Variants in SMIM14 observed in about 807,000 individuals in gnomAD.
SMIM14 encodes chromosome 4 open reading frame 34.
In SMIM14, 5 loss-of-function variants were observed where a neutral mutation model predicts 12.6. The observed-to-expected ratio is 0.40, with a 90% CI of 0.21 to 0.83. The LOEUF (loss-of-function observed/expected upper bound fraction) is 0.83, where lower values mean the gene tolerates loss of function less well. Among genes scored for constraint, SMIM14 ranks in the 40% least tolerant of loss-of-function variants. The probability of loss-of-function intolerance (pLI) is 0.37; values close to 1 mark genes in which losing one functional copy is unlikely to be tolerated. For synonymous variants in SMIM14, 30 were observed against 40.1 expected, an observed-to-expected ratio of 0.75 and a Z score of 0.95; for missense variants, 86 against 119.1, an observed-to-expected ratio of 0.72 and a Z score of 1.29.
rs1410967988 is a variant in SMIM14 at position 39,619,748 on chromosome 4, AAT to A, written c.-35-14570_-35-14569del. ...TATAATTATATATATCAATAAATAT[AAT>A]TTATTATATATATATCAATAAATAA... is the stretch of plus-strand genomic sequence containing the variant. On this transcript the variant is annotated intron_variant, in intron 1 of 4. Coordinates refer to ENST00000295958, the MANE Select transcript of SMIM14 (RefSeq NM_174921.3). Among the ~76,000 whole-genome samples the A allele has an allele frequency of 1.4e-3, 56 of 40,562 alleles. 1 individual carries two copies. The highest frequency in any genetic ancestry group is 0.017 in the Middle Eastern group (1 of 58). The allele number at this position is 40,562 out of a possible 152,430, so 26.6% of individuals were successfully genotyped here. A position where few individuals can be genotyped will look rare whatever the true frequency, so the allele number is the denominator to read the frequency against.
intron 2 of SMIM14, among the ~76,000 whole-genome samples, chr4:39,599,256 T>C (rs1167340389): frequency 6.6e-6 from 1 of 151,972 alleles, no homozygotes; most frequent in Non-Finnish European, 1.5e-5. Context: ...GGGGCCAGAA[T>C]TGTTAGAACA....
intron 4 of SMIM14, among the ~76,000 whole-genome samples, chr4:39,554,729 T>C (rs564154070): frequency 6.7e-6 from 1 of 148,834 alleles, no homozygotes; most frequent in African/African-American, 2.4e-5. Context: ...TTTATTTAAA[T>C]TGACAAATAA....
chr4:39,602,819 T>C lies in SMIM14; in HGVS notation c.75+2252A>G, dbSNP rs1714666933. ...TGCATGCTGACTCTAAAAAAGTACA[T>C]CATTCACAAGAAACACATTTCTGAT... On this transcript the variant is annotated intron_variant, in intron 2 of 4. Transcript: ENST00000295958. 2.0e-5 allele frequency among the ~76,000 whole-genome samples: 3 copies of C among 152,186 alleles called. No individual in the cohort carries two copies. The South Asian group carries it at 6.2e-4, about 31-fold the overall frequency.
At chr4:39,604,583 G>A (rs994706811) in intron 2 of SMIM14, among the ~76,000 whole-genome samples, 3 of 151,620 alleles carry the variant, frequency 2.0e-5, no homozygotes, top group African/African-American at 7.3e-5. Flanking sequence ...ACGGTAGTCT[G>A]TTTTCATCTC....
chr4:39,560,639 C>T (rs1269354501), intron 3 of SMIM14, among the ~76,000 whole-genome samples: 3 of 151,770 alleles, frequency 2.0e-5, no homozygotes, highest in African/African-American at 4.8e-5. Context: ...AGCAAGACCC[C>T]GTCTCAAACA....
At chr4:39,625,134 C>T (rs970986608) in intron 1 of SMIM14, among the ~76,000 whole-genome samples, 1 of 150,254 alleles carries the variant, frequency 6.7e-6, no homozygotes, top group Non-Finnish European at 1.5e-5. Flanking sequence ...AGGAGAACTG[C>T]TTGACCCTAG....
chr4:39,585,792 T>G (rs1012087313), intron 2 of SMIM14, among the ~76,000 whole-genome samples: 1 of 152,058 alleles, frequency 6.6e-6, no homozygotes, highest in Admixed American at 6.6e-5. Context: ...CCAAAAAGCT[T>G]TGGGCAGAGG....
intron 1 of SMIM14, among the ~76,000 whole-genome samples, chr4:39,630,267 TGTGCCTTCTTATGTAGTA>T (rs1715851882): frequency 6.6e-6 from 1 of 152,114 alleles, no homozygotes; most frequent in Non-Finnish European, 1.5e-5. Flanking sequence ...CATGCTAGCA[TGTGCCTTCTTATGTAGTA>T]GTCCCAGCTA....
intron 2 of SMIM14, among the ~76,000 whole-genome samples, chr4:39,586,219 G>C (rs1341629442): frequency 6.6e-6 from 1 of 151,870 alleles, no homozygotes; most frequent in Non-Finnish European, 1.5e-5. Flanking sequence ...TTTAAGTTGT[G>C]GTTCCTTTTT....
intron 1 of SMIM14, among the ~76,000 whole-genome samples, chr4:39,633,162 C>T (rs1205966616): frequency 1.2e-4 from 18 of 151,706 alleles, no homozygotes; most frequent in African/African-American, 3.4e-4. Flanking sequence ...GGCATGGTGG[C>T]GCACGTCTGT....
At chr4:39,632,820 CACACACAAAAGA>C (rs1296288807) in intron 1 of SMIM14, among the ~76,000 whole-genome samples, 384 of 127,220 alleles carry the variant, frequency 3.0e-3, no homozygotes, top group African/African-American at 9.5e-3. Context: ...CACACACACA[CACACACAAAAGA>C]AAAAGAAAAA....
chr4:39,580,157 TA>T (rs1300247014), intron 2 of SMIM14, among the ~76,000 whole-genome samples: 1 of 151,646 alleles, frequency 6.6e-6, no homozygotes, highest in Non-Finnish European at 1.5e-5. Context: ...AAAATGTGGT[TA>T]AAAAATATTT....
At chr4:39,610,894 C>A (rs1195442697) in intron 1 of SMIM14, among the ~76,000 whole-genome samples, 1 of 151,828 alleles carries the variant, frequency 6.6e-6, no homozygotes, top group Non-Finnish European at 1.5e-5. Context: ...AAGAAGATGA[C>A]TGGGATACAT....
chr4:39,570,665 AT>A (rs1044151994), intron 3 of SMIM14, among the ~76,000 whole-genome samples: 10 of 150,854 alleles, frequency 6.6e-5, no homozygotes, highest in Admixed American at 3.3e-4. Context: ...TTAATTAATA[AT>A]TTTTTTTTGA....
intron 2 of SMIM14, among the ~76,000 whole-genome samples, chr4:39,584,119 C>T (rs1167776538): frequency 6.6e-6 from 1 of 151,870 alleles, no homozygotes; most frequent in Non-Finnish European, 1.5e-5. Context: ...ACTGGGAAAC[C>T]AGCTAGAACC....
intron 1 of SMIM14, among the ~76,000 whole-genome samples, chr4:39,609,144 T>C (rs1714928015): frequency 1.3e-5 from 2 of 148,426 alleles, no homozygotes; most frequent in South Asian, 4.1e-4. Flanking sequence ...GCCCGGCTAA[T>C]TTTTTGTATT....
chr4:39,597,691 C>T (rs563611310), intron 2 of SMIM14, among the ~76,000 whole-genome samples: 4 of 152,146 alleles, frequency 2.6e-5, no homozygotes, highest in Non-Finnish European at 5.9e-5. Context: ...ACAAAACAAA[C>T]ATGTATGAGT....
At chr4:39,634,777 C>T (rs888265941) in intron 1 of SMIM14, among the ~76,000 whole-genome samples, 1 of 152,090 alleles carries the variant, frequency 6.6e-6, no homozygotes. Flanking sequence ...CTGACCCAAA[C>T]ACCAAAGAGA....
rs534734260 is a variant in SMIM14 at position 39,588,337 on chromosome 4, T to C, written c.76-15874A>G. Among the ~76,000 whole-genome samples, 9 of 152,038 alleles carry C rather than the reference T, an allele frequency of 5.9e-5. No homozygotes were observed. The South Asian group carries it at 1.9e-3, about 32-fold the overall frequency. On this transcript the variant is annotated intron_variant, in intron 2 of 4. Transcript: ENST00000295958. ...AGGGAAGAGTGCTTGAGGCCAGGAGTTTGAGACCAGCCTGGGCAAAATAGA... is the reference window on the plus strand; with the variant it reads ...AGGGAAGAGTGCTTGAGGCCAGGAGCTTGAGACCAGCCTGGGCAAAATAGA...
Sources: gnomAD v4.1 joint callset for allele counts (sites outside exome capture counted in the v4.1 genomes callset) on GRCh38, gnomAD v4.1.1 for gene constraint, MANE v1.5 for transcripts, NCBI Gene and HGNC (gene_info 2026-07-23, HGNC 2026-07-21) for gene names.